Variants in AIM2 observed in about 807,000 individuals in gnomAD.
The protein encoded by AIM2 is interferon-inducible protein AIM2.
AIM2 carries 30 observed loss-of-function variants against 27.7 expected under a neutral mutation model. The observed-to-expected ratio is 1.08, with a 90% CI of 0.81 to 1.47. AIM2 has a LOEUF of 1.47. Among genes scored for constraint, AIM2 ranks in the 40% most tolerant of loss-of-function variants. The pLI is 0.00. For missense variants in AIM2, 358 were observed against 411.3 expected (o/e 0.87, Z 1.12); for synonymous variants, 141 against 145.3 (o/e 0.97, Z 0.21).
chr1:159,073,557 A>G lies in AIM2; in HGVS notation c.-20-38T>C, dbSNP rs532911554. ...CAAAACATGTAAGATTACACCACCA[A>G]AAGTGATTCTACATTCAAAATAAAG... On this transcript the variant is annotated intron_variant, in intron 1 of 5. Coordinates refer to ENST00000368130, the MANE Select transcript of AIM2 (RefSeq NM_004833.3). 2.5e-4 allele frequency: 383 copies of G among 1,538,044 alleles called. No individual in the cohort carries two copies. In the South Asian group the frequency reaches 2.6e-3, roughly 11 times the overall value.
chr1:159,131,687 T>G (rs1179486477), intron 1 of AIM2, among the ~76,000 whole-genome samples: 1 of 152,140 alleles, frequency 6.6e-6, no homozygotes, highest in Admixed American at 6.6e-5. Flanking sequence ...GAGAATAACT[T>G]GGGATAGAAA....
chr1:159,127,220 T>C (rs945159983), intron 1 of AIM2, among the ~76,000 whole-genome samples: 2 of 152,246 alleles, frequency 1.3e-5, no homozygotes, highest in African/African-American at 4.8e-5. Flanking sequence ...GTTTATTTTA[T>C]TATTGTGATT....
At chr1:159,091,706 G>T (rs1212915914) in intron 1 of AIM2, among the ~76,000 whole-genome samples, 1 of 152,224 alleles carries the variant, frequency 6.6e-6, no homozygotes, top group Admixed American at 6.5e-5. Flanking sequence ...AACTTAGGGG[G>T]TGATGTATAA....
chr1:159,113,121 T>C (rs982949824), intron 1 of AIM2, among the ~76,000 whole-genome samples: 1 of 152,064 alleles, frequency 6.6e-6, no homozygotes, highest in African/African-American at 2.4e-5. Context: ...ATTTTTTGTA[T>C]TTTTAGTAAA....
intron 1 of AIM2, among the ~76,000 whole-genome samples, chr1:159,126,375 C>T (rs1302537083): frequency 1.3e-5 from 2 of 152,052 alleles, no homozygotes; most frequent in African/African-American, 2.4e-5. Context: ...AGGCCGGGCA[C>T]GGTGGTTCAC....
intron 1 of AIM2, among the ~76,000 whole-genome samples, chr1:159,083,888 T>C (rs1263404550): frequency 6.6e-6 from 1 of 152,228 alleles, no homozygotes; most frequent in Non-Finnish European, 1.5e-5. Flanking sequence ...GCCAATGGAA[T>C]TGAATAGTCA....
the AIM2 span, among the ~76,000 whole-genome samples, chr1:159,056,310 C>T: frequency 9.9e-5 from 15 of 152,254 alleles, no homozygotes; most frequent in Non-Finnish European, 1.6e-4. Flanking sequence ...TGTGGCTTCA[C>T]CCCAGTGCAC....
At chr1:159,082,642 C>T (rs1470132261) in intron 1 of AIM2, among the ~76,000 whole-genome samples, 1 of 152,038 alleles carries the variant, frequency 6.6e-6, no homozygotes, top group Non-Finnish European at 1.5e-5. Context: ...GAAAGTGCTC[C>T]CTGGGCACTA....
At chr1:159,119,489 A>T (rs1449151804) in intron 1 of AIM2, among the ~76,000 whole-genome samples, 1 of 152,098 alleles carries the variant, frequency 6.6e-6, no homozygotes. Flanking sequence ...TCCCAAACTC[A>T]GTCAGTGACA....
upstream of AIM2, among the ~76,000 whole-genome samples, chr1:159,079,759 G>A (rs932055885): frequency 6.6e-6 from 1 of 152,102 alleles, no homozygotes; most frequent in Non-Finnish European, 1.5e-5. Flanking sequence ...CTGTGGGTTT[G>A]GACAAATGTA....
At chr1:159,102,039 C>A (rs1209735122) in intron 1 of AIM2, among the ~76,000 whole-genome samples, 3 of 152,204 alleles carry the variant, frequency 2.0e-5, no homozygotes, top group African/African-American at 7.2e-5. Flanking sequence ...CAGCCCCTCC[C>A]ATCACAGCCT....
Position 159,062,514 on chromosome 1 carries a change from T to C in AIM2, c.*178A>G, listed in dbSNP as rs562667212. On this transcript the variant is annotated 3_prime_UTR_variant, in exon 6 of 6. Transcript: ENST00000368130. The stretch of plus-strand genomic sequence containing the variant: ...GAGAAACAGATGTTTATTGTGATCA[T>C]CTGTTGATATTCTGAATTTGTTTAT... 3.2e-6 allele frequency: 2 copies of C among 617,572 alleles called. No individual in the cohort carries two copies. The highest frequency in any genetic ancestry group is 5.8e-6 in the Non-Finnish European group (2 of 347,074). 38.3% of individuals were successfully genotyped at this position (617,572 alleles called of 1,614,324 possible). A position where few individuals can be genotyped will look rare whatever the true frequency, so the allele number is the denominator to read the frequency against.
intron 1 of AIM2, among the ~76,000 whole-genome samples, chr1:159,111,565 C>T (rs975452767): frequency 1.3e-5 from 2 of 151,724 alleles, no homozygotes; most frequent in Admixed American, 1.3e-4. Context: ...TGACTTGTCC[C>T]CACAGAGTTT....
chr1:159,138,132 G>A (rs1294321812), intron 1 of AIM2, among the ~76,000 whole-genome samples: 1 of 152,176 alleles, frequency 6.6e-6, no homozygotes, highest in Non-Finnish European at 1.5e-5. Flanking sequence ...CAGGTTAGTA[G>A]AGAAGAATTG....
chr1:159,063,864 C>A (rs913417413), intron 4 of AIM2, among the ~76,000 whole-genome samples, 190 bp from the exon 5 acceptor site: 4 of 152,154 alleles, frequency 2.6e-5, no homozygotes, highest in Non-Finnish European at 4.4e-5. Context: ...GATGGCAAGA[C>A]CAACCCTCCT....
chr1:159,128,686 T>G (rs933807046), intron 1 of AIM2, among the ~76,000 whole-genome samples: 52 of 152,248 alleles, frequency 3.4e-4, no homozygotes, highest in African/African-American at 1.2e-3. Flanking sequence ...GCTTCCTCAG[T>G]GTTTGCACCC....
At chr1:159,139,634 A>G (rs1294128405) in intron 1 of AIM2, among the ~76,000 whole-genome samples, 2 of 152,368 alleles carry the variant, frequency 1.3e-5, no homozygotes, top group South Asian at 2.1e-4. Flanking sequence ...AAATGACAAG[A>G]CAAAATCAGG....
chr1:159,121,644 T>C (rs1199716583), intron 1 of AIM2, among the ~76,000 whole-genome samples: 1 of 152,202 alleles, frequency 6.6e-6, no homozygotes. Context: ...GAGTGTCCTG[T>C]GCCAATGTTA....
intron 1 of AIM2, among the ~76,000 whole-genome samples, chr1:159,128,427 A>AT (rs959619523): frequency 3.3e-5 from 5 of 152,008 alleles, no homozygotes; most frequent in African/African-American, 1.2e-4. Context: ...ACTAATCCAG[A>AT]TTTTTTTGTG....
Sources: gnomAD v4.1 joint callset for allele counts (sites outside exome capture counted in the v4.1 genomes callset) on GRCh38, gnomAD v4.1.1 for gene constraint, MANE v1.5 for transcripts, NCBI Gene and HGNC (gene_info 2026-07-23, HGNC 2026-07-21) for gene names.